The following PRKDC variants were observed in gnomAD, a reference collection of about 807,000 sequenced individuals.
PRKDC encodes DNA-dependent protein kinase catalytic subunit.
A neutral mutation model predicts 486.9 loss-of-function variants in PRKDC; 82 were observed. That is an observed-to-expected ratio of 0.17 (90% confidence interval 0.14 to 0.20). The LOEUF (loss-of-function observed/expected upper bound fraction) is 0.20. Among genes scored for constraint, PRKDC ranks in the 10% least tolerant of loss-of-function variants. PRKDC has a pLI of 1.00. For missense variants in PRKDC, 4,504 were observed against 5,038.2 expected (o/e 0.89, Z 3.21); for synonymous variants, 1,895 against 1,837.0 (o/e 1.03, Z -0.81).
intron 12 of PRKDC, 61 bp downstream of exon 12, chr8:47,936,292 C>T (rs1477338066): frequency 1.3e-6 from 2 of 1,520,112 alleles, no homozygotes; most frequent in East Asian, 4.5e-5. Flanking sequence ...ATGACTCCAT[C>T]AAATTATTTG....
At position 47,794,929 on chromosome 8, in the gene PRKDC, G is replaced by A. The variant is rs141431896; in HGVS notation, c.10459-428C>T. 4.2e-3 allele frequency among the ~76,000 whole-genome samples: 633 copies of A among 152,094 alleles called. 5 individuals carry two copies. The highest frequency in any genetic ancestry group is 0.014 in the African/African-American group (598 of 41,516). ...TTTTGAGATGGGGTCTCGCTCTGTC[G>A]CCAGGCTGGAGTGCAGTGGCATGAT... On this transcript the variant is annotated intron_variant, in intron 73 of 85. Transcript: ENST00000314191.
intron 40 of PRKDC, among the ~76,000 whole-genome samples, chr8:47,871,882 C>T (rs549565910): frequency 3.3e-5 from 5 of 152,200 alleles, no homozygotes; most frequent in Non-Finnish European, 5.9e-5. Context: ...TGAGCCACCA[C>T]GCCTGGCCAG....
chr8:47,782,720 G>C lies in PRKDC; in HGVS notation c.11176-122C>G. On this transcript the variant is annotated intron_variant, in intron 78 of 85. Transcript: ENST00000314191. This position sits in a 1 kb window ranked among gnomAD's most constrained non-coding sequence, Gnocchi z 4.9. ...CGCCCTCTGAAGACAGTGCCAAAGA[G>C]CAGAGCGCCCAGGCCAGCAACGAAT... 9.0e-7 allele frequency: 1 copy of C among 1,111,588 alleles called. No individual in the cohort carries two copies. The highest frequency in any genetic ancestry group is 1.5e-5 in the South Asian group (1 of 64,686). 68.9% of individuals were successfully genotyped at this position (1,111,588 alleles called of 1,614,324 possible).
At chr8:47,893,038 GCAC>G in intron 31 of PRKDC, 98 bp downstream of exon 31, 1 of 1,386,582 alleles carries the variant, frequency 7.2e-7, no homozygotes, top group Non-Finnish European at 9.5e-7. Context: ...GTGGTGCACA[GCAC>G]CTACCATCAT....
chr8:47,918,417 G>C, intron 21 of PRKDC, 34 bp from the exon 22 acceptor site: 1 of 1,304,586 alleles, frequency 7.7e-7, no homozygotes, highest in Non-Finnish European at 1.0e-6. Context: ...ATTTAAAATA[G>C]CACTCATTCA....
chr8:47,951,474 A>G (rs971818287), intron 7 of PRKDC, among the ~76,000 whole-genome samples: 2 of 152,060 alleles, frequency 1.3e-5, no homozygotes, highest in Admixed American at 6.6e-5. Flanking sequence ...CTGCAACCCT[A>G]GTACTCTGGG....
At chr8:47,823,776 C>G in intron 64 of PRKDC, 82 bp downstream of exon 64, 1 of 1,504,634 alleles carries the variant, frequency 6.6e-7, no homozygotes, top group Non-Finnish European at 9.2e-7. Context: ...ATCTGCTGTA[C>G]CTCGTTTTGC....
In PRKDC at chr8:47,952,105, C is replaced by A. The variant is rs188180982; in HGVS notation, c.721+1515G>T. Among the ~76,000 whole-genome samples the A allele has an allele frequency of 5.6e-4, 85 of 152,320 alleles. 1 individual carries two copies. Among genetic ancestry groups the A allele is most frequent in the African/African-American group, 1.9e-3 (79 of 41,562 alleles). On this transcript the variant is annotated intron_variant, in intron 7 of 85. Transcript: ENST00000314191. Reference sequence around the variant, plus strand: ...AGGTTACCATACAACCCAACAATCACAATTCTAAGTATATATCCAAAAGAA... The same window carrying A: ...AGGTTACCATACAACCCAACAATCAAAATTCTAAGTATATATCCAAAAGAA...
rs370540517 is a variant in PRKDC, at chr8:47,826,695, C to G, written c.8744G>C (p.Arg2915Pro). 7 of 1,613,080 alleles carry G rather than the reference C, an allele frequency of 4.3e-6. No homozygotes were observed. The highest frequency in any genetic ancestry group is 1.9e-4 in the Middle Eastern group (1 of 5,392). Residue 2915 changes from arginine to proline, a missense_variant, in exon 63 of 86, where the codon CGC (arginine) becomes CCC (proline). Arg to Pro is a moderately radical substitution (Grantham distance 103). Around this residue, in one of 6 missense-constraint regions of PRKDC, gnomAD observed 1,592 missense variants for 1,724.6 expected, o/e 0.92. Coordinates refer to ENST00000314191, the MANE Select transcript of PRKDC (RefSeq NM_006904.7). ...CCATCTGAGGACATCAGGAGGGAGG[C>G]GGGCCTTCCCACGGACTCGCTTGGC... ...LPAKRVRGKA[R>P]LPPDVLRWVE...
rs545190914 is a variant in PRKDC, at chr8:47,804,020, C to G, written c.9748-540G>C. ...TATTTACAAAGCTGTACAACCACCA[C>G]CCCTAATTCCAGAACATTTTCACTA... On this transcript the variant is annotated intron_variant, in intron 69 of 85. Transcript: ENST00000314191. 5.3e-5 allele frequency among the ~76,000 whole-genome samples: 8 copies of G among 152,100 alleles called. No individual in the cohort carries two copies. The East Asian group carries it at 1.4e-3, about 26-fold the overall frequency.
chr8:47,905,654 G>T (rs1378047418), intron 25 of PRKDC, among the ~76,000 whole-genome samples: 1 of 152,084 alleles, frequency 6.6e-6, no homozygotes, highest in Non-Finnish European at 1.5e-5. Context: ...CACAGGGGAG[G>T]AACATAGAAA....
intron 21 of PRKDC, among the ~76,000 whole-genome samples, chr8:47,921,593 G>C (rs1400330829): frequency 6.6e-6 from 1 of 152,160 alleles, no homozygotes; most frequent in Non-Finnish European, 1.5e-5. Flanking sequence ...GCACGTGCAT[G>C]CTGTCTCTTG....
At chr8:47,903,621 GC>G (rs1405716177) in intron 26 of PRKDC, among the ~76,000 whole-genome samples, 7 of 152,116 alleles carry the variant, frequency 4.6e-5, no homozygotes, top group Non-Finnish European at 1.0e-4. Flanking sequence ...GAAACCCACG[GC>G]CCTCCTTCAC....
intron 49 of PRKDC, among the ~76,000 whole-genome samples, chr8:47,856,734 C>T (rs146188048): frequency 6.6e-6 from 1 of 152,290 alleles, no homozygotes; most frequent in Non-Finnish European, 1.5e-5. Context: ...CTAATCTTGC[C>T]ATTGCTGGTA....
intron 54 of PRKDC, among the ~76,000 whole-genome samples, chr8:47,842,018 A>T (rs549085168): frequency 6.6e-6 from 1 of 152,216 alleles, no homozygotes; most frequent in Non-Finnish European, 1.5e-5. Context: ...TACTATACCA[A>T]CAGACCACCC....
rs1387053235 is a variant in PRKDC, at chr8:47,782,786, ATGT to A, written c.11176-191_11176-189del. On this transcript the variant is annotated intron_variant, in intron 78 of 85. Coordinates refer to ENST00000314191, the MANE Select transcript of PRKDC (RefSeq NM_006904.7). This position sits in a 1 kb window ranked among gnomAD's most constrained non-coding sequence, Gnocchi z 4.9. ...GTGCCTGACTGCTGTGCCCGCAGAA[ATGT>A]TGTATTCCTGATTATAAATACTTGC... The A allele has an allele frequency of 3.3e-6, 2 of 611,064 alleles. No homozygotes were observed. The highest frequency in any genetic ancestry group is 5.7e-6 in the Non-Finnish European group (2 of 348,034). 37.9% of individuals were successfully genotyped at this position (611,064 alleles called of 1,614,324 possible). A position where few individuals can be genotyped will look rare whatever the true frequency, so the allele number is the denominator to read the frequency against.
chr8:47,799,782 C>T (rs1214461835), intron 71 of PRKDC, among the ~76,000 whole-genome samples: 1 of 151,804 alleles, frequency 6.6e-6, no homozygotes, highest in Non-Finnish European at 1.5e-5. Flanking sequence ...TGAGGTGAGG[C>T]AGGACATAGT....
At chr8:47,947,231 C>T (rs2090548963) in intron 7 of PRKDC, among the ~76,000 whole-genome samples, 1 of 152,186 alleles carries the variant, frequency 6.6e-6, no homozygotes. Flanking sequence ...GTCTCCCTCT[C>T]CTCCTTCTGA....
At position 47,849,455 on chromosome 8, in the gene PRKDC, G is replaced by A; in HGVS notation, c.7054C>T (p.His2352Tyr). 2 of 1,613,948 alleles carry A rather than the reference G, an allele frequency of 1.2e-6. No individual in the cohort carries two copies. The highest frequency in any genetic ancestry group is 2.2e-5 in the South Asian group (2 of 91,084). Residue 2352 changes from histidine (H) to tyrosine (Y), a missense_variant, in exon 53 of 86, where the codon CAT becomes TAT. His to Tyr is a moderately conservative substitution (Grantham distance 83). Around this residue, in one of 6 missense-constraint regions of PRKDC, gnomAD observed 1,592 missense variants for 1,724.6 expected, o/e 0.92. Coordinates refer to ENST00000314191, the MANE Select transcript of PRKDC (RefSeq NM_006904.7). ...AACTTGTCCTCCATAGTATTCTGAT[G>A]TTGCTTCAATTGTTTCGCAACCAGT... The part of the protein sequence containing the change: ...CELVAKQLKQ[H>Y]QNTMEDKFIV...
Sources: allele counts gnomAD v4.1 joint callset (sites outside exome capture counted in the v4.1 genomes callset), GRCh38; gene constraint gnomAD v4.1.1; regional missense constraint gnomAD v4.1.1; non-coding constraint Gnocchi (gnomAD v3.1); transcripts MANE v1.5; gene names NCBI Gene and HGNC (gene_info 2026-07-23, HGNC 2026-07-21).